The following C5orf34 variants were observed in gnomAD, a reference collection of about 807,000 sequenced individuals.
C5orf34 encodes uncharacterized protein C5orf34.
A neutral mutation model predicts 78.4 loss-of-function variants in C5orf34; 73 were observed. That is an observed-to-expected ratio of 0.93 (90% CI 0.77 to 1.13). C5orf34 has a LOEUF of 1.13. Ranked by LOEUF, C5orf34 falls within the 50% of genes most tolerant of loss-of-function variation. C5orf34 has a pLI of 0.00. For synonymous variants in C5orf34, 251 were observed against 246.6 expected, an observed-to-expected ratio of 1.02 and a Z score of -0.17; for missense variants, 730 against 732.7, an observed-to-expected ratio of 1.00 and a Z score of 0.04.
At position 43,495,736 on chromosome 5, in the gene C5orf34, T is replaced by A. The variant is rs1745489106; in HGVS notation, c.1153-1135A>T. On this transcript the variant is annotated intron_variant, in intron 6 of 12. Transcript: ENST00000306862. ...GAGGCAGGCGCAAGGGCTTGTCAGTTGGATGAGTTGGTGGTAGGATGCAGT... is the reference window on the plus strand; with the variant it reads ...GAGGCAGGCGCAAGGGCTTGTCAGTAGGATGAGTTGGTGGTAGGATGCAGT... 2.5e-6 allele frequency: 4 copies of A among 1,582,758 alleles called. No homozygotes were observed. The South Asian group carries it at 4.4e-5, about 18-fold the overall frequency.
chr5:43,487,228 C>T (rs888602989), intron 12 of C5orf34, 117 bp from the exon 13 acceptor site: 1 of 508,186 alleles, frequency 2.0e-6, no homozygotes, highest in Non-Finnish European at 3.4e-6. Context: ...CTCTTGGATT[C>T]ATAATACAGT....
intron 6 of C5orf34, among the ~76,000 whole-genome samples, chr5:43,499,447 G>T (rs1745669251): frequency 6.6e-6 from 1 of 152,096 alleles, no homozygotes; most frequent in Admixed American, 6.5e-5. Flanking sequence ...TACTTACACT[G>T]TGAGTACTTG....
At chr5:43,488,629 G>A (rs1176305396) in intron 11 of C5orf34, among the ~76,000 whole-genome samples, 2 of 151,850 alleles carry the variant, frequency 1.3e-5, no homozygotes, top group Non-Finnish European at 2.9e-5. Context: ...GTTTTTTTAA[G>A]CACAGAGGGT....
chr5:43,495,653 G>A (rs1051609066), intron 6 of C5orf34: 3 of 1,585,458 alleles, frequency 1.9e-6, no homozygotes, highest in African/African-American at 2.7e-5. Context: ...GAGAACACCA[G>A]TCTCCACTCG....
chr5:43,505,921 A>G lies in C5orf34; in HGVS notation c.759T>C (p.Tyr253=). Residue 253 remains tyrosine (Y), a synonymous_variant, in exon 4 of 13, where the codon TAT becomes TAC. Coordinates refer to ENST00000306862, the MANE Select transcript of C5orf34 (RefSeq NM_198566.4). Reference sequence around the variant, plus strand: ...GAAAATGAAGTGCTAAAGACAAAGGATATTTCCATTCCTCTGGACAGGCAG... The same window carrying G: ...GAAAATGAAGTGCTAAAGACAAAGGGTATTTCCATTCCTCTGGACAGGCAG... ...SVAACPEEWK[Y]PLSLALHFHN... 1.2e-6 allele frequency: 2 copies of G among 1,614,160 alleles called. No homozygotes were observed. Among genetic ancestry groups the G allele is most frequent in the East Asian group, 2.2e-5 (1 of 44,886 alleles).
chr5:43,486,817 G>T lies in C5orf34; in HGVS notation c.*98C>A. ...AGTTCTTTCACAATCATTGTGCCGG[G>T]GTAATACGTACAATATCTTGGCTTA... On this transcript the variant is annotated 3_prime_UTR_variant, in exon 13 of 13. Transcript: ENST00000306862. The T allele has an allele frequency of 1.8e-6, 1 of 542,226 alleles. No homozygotes were observed. The highest frequency in any genetic ancestry group is 3.0e-6 in the Non-Finnish European group (1 of 329,610). 33.6% of individuals were successfully genotyped at this position (542,226 alleles called of 1,614,324 possible). A position where few individuals can be genotyped will look rare whatever the true frequency, so the allele number is the denominator to read the frequency against.
At position 43,495,217 on chromosome 5, in the gene C5orf34, G is replaced by A. The variant is rs191410715; in HGVS notation, c.1153-616C>T. 27 of 1,610,436 alleles carry A rather than the reference G, an allele frequency of 1.7e-5. 1 individual carries two copies. The highest frequency in any genetic ancestry group is 4.5e-4 in the Middle Eastern group (2 of 4,428). Reference sequence around the variant, plus strand: ...AATGACCCAAAGGTGGATAGTCTGAGAAGCTCTCAACAATGGGCTTGCCAG... The same window carrying A: ...AATGACCCAAAGGTGGATAGTCTGAAAAGCTCTCAACAATGGGCTTGCCAG... On this transcript the variant is annotated intron_variant, in intron 6 of 12. Coordinates refer to ENST00000306862, the MANE Select transcript of C5orf34 (RefSeq NM_198566.4).
chr5:43,494,776 T>C (rs566838545), intron 6 of C5orf34, among the ~76,000 whole-genome samples, 175 bp from the exon 7 acceptor site: 1 of 152,326 alleles, frequency 6.6e-6, no homozygotes, highest in South Asian at 2.1e-4. Context: ...TCCCATTTTT[T>C]TTTTCTCATT....
At chr5:43,499,251 T>C (rs1745663393) in intron 6 of C5orf34, among the ~76,000 whole-genome samples, 2 of 152,132 alleles carry the variant, frequency 1.3e-5, no homozygotes, top group African/African-American at 4.8e-5. Context: ...ATTGAGAAAG[T>C]AAATTGTTCC....
chr5:43,493,429 A>T, intron 8 of C5orf34, 114 bp downstream of exon 8: 1 of 662,128 alleles, frequency 1.5e-6, no homozygotes, highest in Non-Finnish European at 2.6e-6. Context: ...ACCAACATTA[A>T]TGTTACAAGA....
chr5:43,496,421 C>T (rs768453151), intron 6 of C5orf34: 83 of 1,593,844 alleles, frequency 5.2e-5, no homozygotes, highest in Middle Eastern at 2.1e-4. Flanking sequence ...TGTCCAATGA[C>T]GACAATGTTG....
chr5:43,503,853 T>G, intron 4 of C5orf34, 93 bp from the exon 5 acceptor site: 1 of 775,138 alleles, frequency 1.3e-6, no homozygotes. Flanking sequence ...ACAGGATTAA[T>G]TTCTTGTTTA....
intron 2 of C5orf34, among the ~76,000 whole-genome samples, 183 bp downstream of exon 2, chr5:43,508,962 T>C: frequency 6.6e-6 from 1 of 152,118 alleles, no homozygotes; most frequent in Non-Finnish European, 1.5e-5. Flanking sequence ...GATGTGGTAG[T>C]GCACACCTGT....
At chr5:43,496,203 C>T in intron 6 of C5orf34, 1 of 1,559,246 alleles carries the variant, frequency 6.4e-7, no homozygotes, top group Non-Finnish European at 8.7e-7. Flanking sequence ...TCACATAGTA[C>T]TTGCTGGTCT....
intron 1 of C5orf34, among the ~76,000 whole-genome samples, chr5:43,513,844 C>A (rs546013502): frequency 6.6e-6 from 1 of 152,316 alleles, no homozygotes; most frequent in East Asian, 1.9e-4. Context: ...CATCCCTCTT[C>A]AAGTTTTTTC....
intron 5 of C5orf34, among the ~76,000 whole-genome samples, 180 bp from the exon 6 acceptor site, chr5:43,502,675 G>A (rs568282666): frequency 1.3e-5 from 2 of 152,252 alleles, no homozygotes; most frequent in South Asian, 2.1e-4. Context: ...ACTCTTTCAC[G>A]AAAAGATAAA....
intron 7 of C5orf34, among the ~76,000 whole-genome samples, chr5:43,494,273 C>T (rs1248461996): frequency 1.3e-5 from 2 of 152,174 alleles, no homozygotes; most frequent in Non-Finnish European, 2.9e-5. Context: ...TCAGCACTTG[C>T]TCACCATATA....
chr5:43,493,772 G>A (rs1460013428), intron 7 of C5orf34, among the ~76,000 whole-genome samples, 160 bp from the exon 8 acceptor site: 2 of 152,092 alleles, frequency 1.3e-5, no homozygotes, highest in Admixed American at 6.6e-5. Context: ...TAAGCCCCTA[G>A]AAGGGAAATA....
chr5:43,504,690 TGA>T (rs1401261986), intron 4 of C5orf34, among the ~76,000 whole-genome samples: 2 of 152,116 alleles, frequency 1.3e-5, no homozygotes, highest in Non-Finnish European at 2.9e-5. Context: ...GCAAGAGTAG[TGA>T]GAGAGTTGAG....
Sources: gnomAD v4.1 joint callset for allele counts (sites outside exome capture counted in the v4.1 genomes callset) on GRCh38, gnomAD v4.1.1 for gene constraint, MANE v1.5 for transcripts, NCBI Gene and HGNC (gene_info 2026-07-23, HGNC 2026-07-21) for gene names.